Variants in TMEM135 observed in about 807,000 individuals in gnomAD.
TMEM135 encodes peroxisomal membrane protein 52.
A neutral mutation model predicts 60.3 loss-of-function variants in TMEM135; 30 were observed. The observed-to-expected ratio is 0.50, with a 90% CI of 0.37 to 0.68. The LOEUF (loss-of-function observed/expected upper bound fraction) is 0.68, where lower values mean the gene tolerates loss of function less well. Among genes scored for constraint, TMEM135 ranks in the 30% least tolerant of loss-of-function variants. The pLI is 0.00. For synonymous variants in TMEM135, 190 were observed against 186.7 expected, an observed-to-expected ratio of 1.02 and a Z score of -0.14; for missense variants, 468 against 548.8, an observed-to-expected ratio of 0.85 and a Z score of 1.47.
At chr11:87,268,638 A>T (rs1057017247) in intron 6 of TMEM135, among the ~76,000 whole-genome samples, 1 of 151,874 alleles carries the variant, frequency 6.6e-6, no homozygotes, top group Non-Finnish European at 1.5e-5. Flanking sequence ...ATGCTCATAG[A>T]TTTAACAAAG....
At chr11:87,094,904 C>T (rs1041536234) in intron 4 of TMEM135, 1 of 154,680 alleles carries the variant, frequency 6.5e-6, no homozygotes, top group Non-Finnish European at 1.4e-5. Context: ...TTTTTTTCAG[C>T]ACTTCTCACC....
intron 8 of TMEM135, 107 bp from the exon 9 acceptor site, chr11:87,305,827 CTT>C (rs199727648): frequency 5.3e-4 from 221 of 419,274 alleles, no homozygotes; most frequent in South Asian, 1.6e-3. Context: ...TCTTCTCTCT[CTT>C]TTTTTTTTTG....
chr11:87,268,720 G>A (rs1030555543), intron 6 of TMEM135, among the ~76,000 whole-genome samples: 5 of 151,774 alleles, frequency 3.3e-5, no homozygotes, highest in African/African-American at 4.8e-5. Context: ...TACTAATGTT[G>A]TTGATATTCT....
chr11:87,046,389 CAAACAAACAAAT>C (rs536851897), intron 1 of TMEM135, among the ~76,000 whole-genome samples: 95 of 152,262 alleles, frequency 6.2e-4, no homozygotes, highest in African/African-American at 2.2e-3. Flanking sequence ...AAAAAACAAA[CAAACAAACAAAT>C]AAACAAACAA....
intron 1 of TMEM135, among the ~76,000 whole-genome samples, chr11:87,043,171 T>A (rs1469933166): frequency 1.3e-5 from 2 of 151,584 alleles, no homozygotes; most frequent in South Asian, 2.1e-4. Flanking sequence ...GTCAGGTTGG[T>A]TTGGAACTCC....
At chr11:87,316,266 ATG>A (rs66886963) in intron 12 of TMEM135, among the ~76,000 whole-genome samples, 21 of 148,796 alleles carry the variant, frequency 1.4e-4, no homozygotes, top group Non-Finnish European at 2.0e-4. Flanking sequence ...ACCCAAATAT[ATG>A]TGTGTGTGTG....
chr11:87,172,658 A>G (rs1939270847), intron 5 of TMEM135, among the ~76,000 whole-genome samples: 2 of 152,082 alleles, frequency 1.3e-5, no homozygotes, highest in Admixed American at 1.3e-4. Context: ...TATATGTCTG[A>G]TGAATAAGTA....
At position 87,288,210 on chromosome 11, in the gene TMEM135, C is replaced by T. The variant is rs547151593; in HGVS notation, c.510-7572C>T. Among the ~76,000 whole-genome samples, 6 of 152,188 alleles carry T rather than the reference C, an allele frequency of 3.9e-5. No homozygotes were observed. The East Asian group carries it at 1.2e-3, about 29-fold the overall frequency. ...TACTATTAATATTTTAGCACCAATG[C>T]TAAATATAGCAATAATATTTTATCA... On this transcript the variant is annotated intron_variant, in intron 6 of 14. Coordinates refer to ENST00000305494, the MANE Select transcript of TMEM135 (RefSeq NM_022918.4).
At position 87,308,304 on chromosome 11, in the gene TMEM135, T is replaced by C. The variant is rs141591241; in HGVS notation, c.769-1201T>C. Among the ~76,000 whole-genome samples the C allele has an allele frequency of 2.4e-3, 367 of 152,310 alleles. 2 individuals carry two copies. Among genetic ancestry groups the C allele is most frequent in the South Asian group, 0.019 (90 of 4,826 alleles). On this transcript the variant is annotated intron_variant, in intron 9 of 14. Transcript: ENST00000305494. ...CATGAAAAAGATTGTAATGTAATTA[T>C]AATCCCTAAATCCTTAGATTATAAG...
At chr11:87,309,848 C>T (rs896614224) in intron 10 of TMEM135, among the ~76,000 whole-genome samples, 176 bp downstream of exon 10, 24 of 152,004 alleles carry the variant, frequency 1.6e-4, no homozygotes, top group African/African-American at 5.1e-4. Context: ...GAAATTTCTT[C>T]TTTTAAAATA....
rs1261983865 is a variant in TMEM135 at position 87,236,697 on chromosome 11, A to T, written c.509+13A>T. Reference sequence around the variant, plus strand: ...TGTTCTTTTTCAGGTATGTTCTGTTATACTTATTTACTTTAATACCCCAAA... The same window carrying T: ...TGTTCTTTTTCAGGTATGTTCTGTTTTACTTATTTACTTTAATACCCCAAA... On this transcript the variant is annotated intron_variant, in intron 6 of 14. Transcript: ENST00000305494. 3 of 1,609,400 alleles carry T rather than the reference A, an allele frequency of 1.9e-6. No homozygotes were observed. The highest frequency in any genetic ancestry group is 2.2e-5 in the South Asian group (2 of 90,988).
rs180791147 is a variant in TMEM135 at position 87,113,140 on chromosome 11, G to A, written c.396+21745G>A. ...TATCTCCAATAGTGATTAGCAAATAGAAGATGAAAAGTCATGGCCCAACTT... is the reference window on the plus strand; with the variant it reads ...TATCTCCAATAGTGATTAGCAAATAAAAGATGAAAAGTCATGGCCCAACTT... On this transcript the variant is annotated intron_variant, in intron 4 of 14. Transcript: ENST00000305494. Among the ~76,000 whole-genome samples, 847 of 152,180 alleles carry A rather than the reference G, an allele frequency of 5.6e-3. 4 individuals carry two copies. Among genetic ancestry groups the A allele is most frequent in the Middle Eastern group, 0.01 (3 of 294 alleles).
At chr11:87,298,784 C>A (rs1942391538) in intron 7 of TMEM135, among the ~76,000 whole-genome samples, 1 of 13,776 alleles carries the variant, frequency 7.3e-5, no homozygotes, top group Non-Finnish European at 1.8e-4. Context: ...GAGACTCTGT[C>A]TCAAAAAAAA....
At chr11:87,134,007 C>T (rs1441254341) in intron 4 of TMEM135, among the ~76,000 whole-genome samples, 1 of 111,750 alleles carries the variant, frequency 8.9e-6, no homozygotes, top group East Asian at 3.0e-4. Flanking sequence ...ATTGTATGGG[C>T]ATATGCTTTC....
intron 4 of TMEM135, among the ~76,000 whole-genome samples, chr11:87,106,132 C>G (rs1001200133): frequency 3.3e-5 from 5 of 151,118 alleles, no homozygotes; most frequent in Admixed American, 6.6e-5. Context: ...GAGACAGAGT[C>G]TCTCTCTGTT....
At chr11:87,097,864 C>G (rs77029541) in intron 4 of TMEM135, among the ~76,000 whole-genome samples, 3,095 of 152,306 alleles carry the variant, frequency 0.02, 35 homozygotes, top group Non-Finnish European at 0.028. Context: ...CACATAGTAA[C>G]AGTCACCCTT....
intron 3 of TMEM135, among the ~76,000 whole-genome samples, chr11:87,078,344 C>T (rs1856916339): frequency 6.6e-6 from 1 of 152,126 alleles, no homozygotes; most frequent in Admixed American, 6.5e-5. Context: ...AGCATCTTTT[C>T]ATATAGTTTT....
chr11:87,286,189 C>T (rs780029399), intron 6 of TMEM135, among the ~76,000 whole-genome samples: 2 of 150,842 alleles, frequency 1.3e-5, no homozygotes, highest in Non-Finnish European at 2.9e-5. Flanking sequence ...CTGATTGGTG[C>T]ATTTACAAAC....
intron 5 of TMEM135, among the ~76,000 whole-genome samples, chr11:87,218,117 G>C (rs897029255): frequency 6.6e-6 from 1 of 152,040 alleles, no homozygotes; most frequent in Non-Finnish European, 1.5e-5. Flanking sequence ...GTGCTGTCTA[G>C]GTAAAGGCCA....
Sources: gnomAD v4.1 joint callset for allele counts (sites outside exome capture counted in the v4.1 genomes callset) on GRCh38, gnomAD v4.1.1 for gene constraint, MANE v1.5 for transcripts, NCBI Gene and HGNC (gene_info 2026-07-23, HGNC 2026-07-21) for gene names.